ABCC4: variants seen among roughly 807,000 people sequenced by gnomAD.
The protein encoded by ABCC4 is ATP binding cassette subfamily C member 4 (PEL blood group).
ABCC4 carries 102 observed loss-of-function variants against 168.5 expected under a neutral mutation model. The observed-to-expected ratio is 0.61, with a 90% CI of 0.52 to 0.71. The LOEUF (loss-of-function observed/expected upper bound fraction) is 0.71. ABCC4 is among the 30% of genes least tolerant of loss of function. The pLI, the probability that ABCC4 is intolerant of heterozygous loss-of-function variation, is 0.00. For synonymous variants in ABCC4, 617 were observed against 590.7 expected (o/e 1.04, Z -0.65); for missense variants, 1,402 against 1,605.8 (o/e 0.87, Z 2.17).
intron 4 of ABCC4, among the ~76,000 whole-genome samples, chr13:95,222,272 C>T (rs1443745462): frequency 6.6e-6 from 1 of 152,198 alleles, no homozygotes; most frequent in Non-Finnish European, 1.5e-5. Context: ...CTAAGTGGCT[C>T]ATACCATAAC....
chr13:95,292,643 C>T (rs2041430701), intron 1 of ABCC4, among the ~76,000 whole-genome samples: 1 of 152,194 alleles, frequency 6.6e-6, no homozygotes, highest in African/African-American at 2.4e-5. Flanking sequence ...AATCTAAAGT[C>T]ATGAGAGTCA....
At chr13:95,235,491 C>A (rs547591332) in intron 3 of ABCC4, among the ~76,000 whole-genome samples, 1 of 152,248 alleles carries the variant, frequency 6.6e-6, no homozygotes, top group South Asian at 2.1e-4. Flanking sequence ...CAAACAGACA[C>A]CCCAGCTCTC....
chr13:95,162,319 G>T (rs959979352), intron 18 of ABCC4, among the ~76,000 whole-genome samples: 4 of 152,142 alleles, frequency 2.6e-5, no homozygotes, highest in Non-Finnish European at 4.4e-5. Context: ...CACTGAGTAG[G>T]TTCTTACAAA....
In ABCC4 at chr13:95,043,771, G is replaced by A; in HGVS notation, c.3646C>T (p.Gln1216Ter). 1 of 1,611,254 alleles carries A rather than the reference G, an allele frequency of 6.2e-7. No homozygotes were observed. The highest frequency in any genetic ancestry group is 8.5e-7 in the Non-Finnish European group (1 of 1,178,284). Residue 1216 changes from glutamine to a stop codon, truncating the protein, a stop_gained, in exon 29 of 31, where the codon CAA (glutamine) becomes TAA (stop). Transcript: ENST00000645237. LOFTEE classifies it high-confidence loss of function. Reference sequence around the variant, plus strand: ...GCAAATTTCTCCCGGATTTTTTTTTGTATTAACTCATCAGTTCTGCAATCA... The same window carrying A: ...GCAAATTTCTCCCGGATTTTTTTTTATATTAACTCATCAGTTCTGCAATCA... Reference protein sequence around the residue: ...NVDPRTDELIQKKIREKFAHC... With the variant: ...NVDPRTDELI
intron 13 of ABCC4, 48 bp from the exon 14 acceptor site, chr13:95,170,676 T>A: frequency 1.8e-6 from 2 of 1,138,630 alleles, no homozygotes; most frequent in Non-Finnish European, 2.6e-6. Flanking sequence ...AATGGGGTGC[T>A]CCACATTGAA....
chr13:95,165,216 CAT>C (rs985812164), intron 15 of ABCC4, among the ~76,000 whole-genome samples: 3 of 152,126 alleles, frequency 2.0e-5, no homozygotes, highest in African/African-American at 4.8e-5. Flanking sequence ...AAGATGGAAA[CAT>C]AAAAGAGCAG....
chr13:95,204,550 A>C (rs748734363), intron 8 of ABCC4, among the ~76,000 whole-genome samples: 1 of 152,138 alleles, frequency 6.6e-6, no homozygotes, highest in Non-Finnish European at 1.5e-5. Flanking sequence ...CACCCTGTGA[A>C]GAAAGTGCCT....
intron 4 of ABCC4, among the ~76,000 whole-genome samples, chr13:95,211,389 G>A (rs188052105): frequency 1.3e-3 from 202 of 152,330 alleles, no homozygotes; most frequent in Non-Finnish European, 2.3e-3. Context: ...CCTGCACAGA[G>A]AACTGGGGAC....
In ABCC4 at chr13:95,163,176, C is replaced by T; in HGVS notation, c.2254G>A (p.Gly752Arg). Residue 752 changes from glycine (G) to arginine (R), a missense_variant, in exon 18 of 31, where the codon GGA (glycine) becomes AGA (arginine). Gly to Arg is a moderately radical substitution (Grantham distance 125). Coordinates refer to ENST00000645237, the MANE Select transcript of ABCC4 (RefSeq NM_005845.5). Reference sequence around the variant, plus strand: ...TCTAGCTTCTCGGTTACATTTCCTCCTCCATTTACAGTGACATTTAGCATA... The same window carrying T: ...TCTAGCTTCTCGGTTACATTTCCTCTTCCATTTACAGTGACATTTAGCATA... The part of the protein sequence containing the change: ...QSMLNVTVNG[G>R]GNVTEKLDLN... The T allele has an allele frequency of 6.2e-7, 1 of 1,613,454 alleles. No individual in the cohort carries two copies. Among genetic ancestry groups the T allele is most frequent in the Non-Finnish European group, 8.5e-7 (1 of 1,179,624 alleles).
intron 2 of ABCC4, 68 bp downstream of exon 2, chr13:95,247,575 G>A (rs1566566299): frequency 7.8e-6 from 10 of 1,277,844 alleles, no homozygotes; most frequent in African/African-American, 2.9e-5. Context: ...ACCCAGGAAG[G>A]CAAAACCCAC....
intron 27 of ABCC4, among the ~76,000 whole-genome samples, chr13:95,044,865 C>A (rs1419052929): frequency 1.3e-5 from 2 of 152,112 alleles, no homozygotes; most frequent in African/African-American, 2.4e-5. Context: ...GTGATGGTTG[C>A]CAAGGGGCTG....
intron 11 of ABCC4, among the ~76,000 whole-genome samples, chr13:95,183,303 C>T (rs551803522): frequency 4.4e-4 from 67 of 152,268 alleles, no homozygotes; most frequent in Non-Finnish European, 7.4e-4. Flanking sequence ...CACCCAGAGA[C>T]GCTCAGGACC....
At chr13:95,174,695 C>T (rs1594234963) in intron 13 of ABCC4, among the ~76,000 whole-genome samples, 1 of 152,166 alleles carries the variant, frequency 6.6e-6, no homozygotes, top group African/African-American at 2.4e-5. Context: ...TAAACAGCGT[C>T]CCACCGGGAA....
Position 95,043,785 on chromosome 13 carries a change from G to A in ABCC4, c.3632C>T (p.Thr1211Ile). 6.2e-7 allele frequency: 1 copy of A among 1,609,496 alleles called. No individual in the cohort carries two copies. The highest frequency in any genetic ancestry group is 8.5e-7 in the Non-Finnish European group (1 of 1,176,514). Reference sequence around the variant, plus strand: ...GATTTTTTTTTGTATTAACTCATCAGTTCTGCAATCAAAGAAGTTAAGTTT... The same window carrying A: ...GATTTTTTTTTGTATTAACTCATCAATTCTGCAATCAAAGAAGTTAAGTTT... The part of the protein sequence containing the change: ...DEATANVDPR[T>I]DELIQKKIRE... The change falls in exon 29 of 31, where the codon ACT becomes ATT. Residue 1211 changes from threonine to isoleucine, a missense_variant and splice_region_variant. By Grantham distance (89) the Thr-to-Ile change is moderately conservative (BLOSUM62 -1). Coordinates refer to ENST00000645237, the MANE Select transcript of ABCC4 (RefSeq NM_005845.5).
chr13:95,077,309 G>A (rs1178403724), intron 21 of ABCC4, among the ~76,000 whole-genome samples: 2 of 152,056 alleles, frequency 1.3e-5, no homozygotes, highest in East Asian at 3.9e-4. Context: ...TAAAACATGG[G>A]GTGTCCGGGA....
chr13:95,247,176 T>C lies in ABCC4; in HGVS notation c.186-81A>G, dbSNP rs540845959. The C allele has an allele frequency of 2.7e-5, 40 of 1,476,546 alleles. No homozygotes were observed. The East Asian group carries it at 9.0e-4, about 33-fold the overall frequency. The allele number at this position is 1,476,546 out of a possible 1,614,324, so 91.5% of individuals were successfully genotyped here. A position where few individuals can be genotyped will look rare whatever the true frequency, so the allele number is the denominator to read the frequency against. Reference sequence around the variant, plus strand: ...AGGGGAGATGGCAGAGTGACAGGTATGCATTTAAGACAGGGCATTTTGTGA... The same window carrying C: ...AGGGGAGATGGCAGAGTGACAGGTACGCATTTAAGACAGGGCATTTTGTGA... On this transcript the variant is annotated intron_variant, in intron 2 of 30. Transcript: ENST00000645237.
intron 20 of ABCC4, among the ~76,000 whole-genome samples, chr13:95,089,716 C>G (rs2034370299): frequency 6.6e-6 from 1 of 152,044 alleles, no homozygotes. Context: ...GACAATTAAT[C>G]AATCAATGCT....
intron 19 of ABCC4, among the ~76,000 whole-genome samples, chr13:95,120,498 G>A (rs1051473734): frequency 7.3e-5 from 11 of 151,174 alleles, no homozygotes; most frequent in East Asian, 3.9e-4. Flanking sequence ...CTCGGGAGGC[G>A]GAGGTTGCCA....
intron 8 of ABCC4, among the ~76,000 whole-genome samples, chr13:95,201,268 C>A (rs949304106): frequency 6.6e-6 from 1 of 152,166 alleles, no homozygotes; most frequent in Non-Finnish European, 1.5e-5. Context: ...AGGTGAGTTG[C>A]ATTTTGGTGG....
Sources: allele counts gnomAD v4.1 joint callset (sites outside exome capture counted in the v4.1 genomes callset), GRCh38; gene constraint gnomAD v4.1.1; transcripts MANE v1.5; gene names NCBI Gene and HGNC (gene_info 2026-07-23, HGNC 2026-07-21).